The following MGAT5 variants were observed in gnomAD, a reference collection of about 807,000 sequenced individuals.
MGAT5 encodes alpha-1,6-mannosylglycoprotein 6-beta-N-acetylglucosaminyltransferase A.
In MGAT5, 30 loss-of-function variants were observed where a neutral mutation model predicts 94.3. The observed-to-expected ratio is 0.32, with a 90% CI of 0.24 to 0.43. The LOEUF is 0.43. Among genes scored for constraint, MGAT5 ranks in the 20% least tolerant of loss-of-function variants. MGAT5 has a pLI of 1.00. For synonymous variants in MGAT5, 310 were observed against 322.9 expected, an observed-to-expected ratio of 0.96 and a Z score of 0.43; for missense variants, 691 against 905.5, an observed-to-expected ratio of 0.76 and a Z score of 3.04.
At chr2:134,348,112 A>G (rs980834870) in intron 8 of MGAT5, among the ~76,000 whole-genome samples, 1 of 152,148 alleles carries the variant, frequency 6.6e-6, no homozygotes, top group African/African-American at 2.4e-5. Context: ...CTTTTTTTAA[A>G]CGGAAAAATA....
chr2:134,260,434 A>G (rs1399895853), intron 1 of MGAT5, among the ~76,000 whole-genome samples: 2 of 152,182 alleles, frequency 1.3e-5, no homozygotes, highest in Admixed American at 1.3e-4. Flanking sequence ...AATACCATTT[A>G]GGGCTGCCGA....
In MGAT5 at chr2:134,247,747, G is replaced by A. The variant is rs534191213; in HGVS notation, c.-142-6515G>A. On this transcript the variant is annotated intron_variant, in intron 1 of 16. Coordinates refer to the MGAT5 transcript ENST00000409645. ...TCTGTGTTTCTAGAACTTTCTCCAT[G>A]TTATACATGTGGAAACTGAGATGGA... Among the ~76,000 whole-genome samples the A allele has an allele frequency of 4.0e-4, 61 of 152,280 alleles. No individual in the cohort carries two copies. The South Asian group carries it at 0.011, about 27-fold the overall frequency.
intron 1 of MGAT5, among the ~76,000 whole-genome samples, chr2:134,139,534 G>C (rs771652646): frequency 7.2e-5 from 11 of 152,122 alleles, no homozygotes; most frequent in Non-Finnish European, 1.5e-4. Flanking sequence ...TCAGACACAG[G>C]CATGCAAACA....
At chr2:134,162,508 C>G (rs1389472961) in intron 1 of MGAT5, among the ~76,000 whole-genome samples, 2 of 152,208 alleles carry the variant, frequency 1.3e-5, no homozygotes, top group Admixed American at 1.3e-4. Context: ...GGTATATTCT[C>G]TCATTTAGTC....
chr2:134,183,769 T>A (rs1688866117), intron 1 of MGAT5, among the ~76,000 whole-genome samples: 1 of 152,258 alleles, frequency 6.6e-6, no homozygotes, highest in Non-Finnish European at 1.5e-5. Flanking sequence ...TTCTCCTTCT[T>A]GGATCTGTCA....
intron 1 of MGAT5, among the ~76,000 whole-genome samples, chr2:134,198,273 T>A (rs552752653): frequency 2.6e-4 from 40 of 152,372 alleles, no homozygotes; most frequent in South Asian, 1.4e-3. Flanking sequence ...TTTGCCATCA[T>A]AGGCAACCCA....
chr2:134,254,362 T>C lies in MGAT5; in HGVS notation c.-42T>C. On this transcript the variant is annotated 5_prime_UTR_variant, in exon 1 of 16. Transcript: ENST00000281923. The stretch of plus-strand genomic sequence containing the variant: ...ACACCATGAATTTGTGTCTATCTTC[T>C]ACGCGTTAAGAGCCAAGGACAGGTG... 1 of 1,609,348 alleles carries C rather than the reference T, an allele frequency of 6.2e-7. No homozygotes were observed. Among genetic ancestry groups the C allele is most frequent in the Non-Finnish European group, 8.5e-7 (1 of 1,177,392 alleles).
At position 134,370,748 on chromosome 2, in the gene MGAT5, C is replaced by T. The variant is rs146731248; in HGVS notation, c.1380+8340C>T. ...AATTCAAGGATAAGATTGGAATAGG[C>T]AAGGGAGGAACAGAGGAGAAATAAA... On this transcript the variant is annotated intron_variant, in intron 10 of 15. Coordinates refer to ENST00000281923, the MANE Select transcript of MGAT5 (RefSeq NM_002410.5). Among the ~76,000 whole-genome samples, 921 of 152,278 alleles carry T rather than the reference C, an allele frequency of 6.0e-3. 9 individuals carry two copies. Among genetic ancestry groups the T allele is most frequent in the Admixed American group, 0.017 (261 of 15,302 alleles).
chr2:134,209,152 A>ATT (rs869116395), intron 1 of MGAT5, among the ~76,000 whole-genome samples: 7 of 20,780 alleles, frequency 3.4e-4, no homozygotes, highest in African/African-American at 1.3e-3. Context: ...TTTTTTTTTT[A>ATT]TTTTTTTTTT....
At chr2:134,148,555 C>G (rs1260939455) in intron 1 of MGAT5, among the ~76,000 whole-genome samples, 2 of 152,212 alleles carry the variant, frequency 1.3e-5, no homozygotes, top group Non-Finnish European at 2.9e-5. Flanking sequence ...GAGCATGGCT[C>G]TCTCACCTTT....
rs186398663 is a variant in MGAT5 at position 134,204,731 on chromosome 2, G to A, written c.-142-49531G>A. On this transcript the variant is annotated intron_variant, in intron 1 of 16. Transcript: ENST00000409645. ...GAGGACTTGATATTGCTCTTCAATT[G>A]TAAAACCATTCAGTCAGCTTGTGAA... 2.6e-5 allele frequency among the ~76,000 whole-genome samples: 4 copies of A among 152,256 alleles called. No individual in the cohort carries two copies. In the East Asian group the frequency reaches 7.7e-4, roughly 29 times the overall value.
intron 1 of MGAT5, among the ~76,000 whole-genome samples, chr2:134,151,139 G>A (rs572729637): frequency 2.2e-4 from 33 of 152,104 alleles, no homozygotes; most frequent in Non-Finnish European, 7.4e-5. Context: ...CCCACTCACC[G>A]CCATGGGACC....
chr2:134,403,580 G>A (rs1683178661), intron 11 of MGAT5, among the ~76,000 whole-genome samples: 1 of 152,214 alleles, frequency 6.6e-6, no homozygotes, highest in Non-Finnish European at 1.5e-5. Context: ...GCATTGGACA[G>A]TGAAGAAGTT....
intron 10 of MGAT5, among the ~76,000 whole-genome samples, chr2:134,381,390 A>ATAGATAGATAAGATAAGATAAGATAGAT (rs1681573685): frequency 8.5e-6 from 1 of 117,372 alleles, no homozygotes; most frequent in Admixed American, 8.7e-5. Context: ...GATTAGATAG[A>ATAGATAGATAAGATAAGATAAGATAGAT]TAGATAGATA....
At chr2:134,339,623 G>A (rs1688520413) in intron 6 of MGAT5, among the ~76,000 whole-genome samples, 1 of 152,096 alleles carries the variant, frequency 6.6e-6, no homozygotes, top group Admixed American at 6.6e-5. Context: ...ATTAAGGGGA[G>A]TTGGGATTAG....
chr2:134,411,561 T>C (rs1241353534), intron 11 of MGAT5, among the ~76,000 whole-genome samples: 1 of 152,260 alleles, frequency 6.6e-6, no homozygotes, highest in Non-Finnish European at 1.5e-5. Context: ...ATGTTAGTGC[T>C]GTGCCCCAGA....
At chr2:134,427,646 C>T (rs1684663051) in intron 13 of MGAT5, among the ~76,000 whole-genome samples, 1 of 152,154 alleles carries the variant, frequency 6.6e-6, no homozygotes, top group Non-Finnish European at 1.5e-5. Context: ...ACTTGTTCAC[C>T]AAGGATGTCT....
intron 2 of MGAT5, among the ~76,000 whole-genome samples, chr2:134,315,347 C>T (rs78289712): frequency 0.023 from 3,462 of 152,254 alleles, 145 homozygotes; most frequent in African/African-American, 0.079. Flanking sequence ...TCTGCTGCTG[C>T]TCATTTGCTT....
intron 1 of MGAT5, among the ~76,000 whole-genome samples, chr2:134,162,525 C>A (rs1291800513): frequency 6.6e-6 from 1 of 152,182 alleles, no homozygotes; most frequent in African/African-American, 2.4e-5. Context: ...AGTCCTTAGA[C>A]GAATCCTTTG....
Sources: allele counts gnomAD v4.1 joint callset (sites outside exome capture counted in the v4.1 genomes callset), GRCh38; gene constraint gnomAD v4.1.1; transcripts MANE v1.5; gene names NCBI Gene and HGNC (gene_info 2026-07-23, HGNC 2026-07-21).